PPP2R5E: variants seen among roughly 807,000 people sequenced by gnomAD.
PPP2R5E encodes serine/threonine-protein phosphatase 2A 56 kDa regulatory subunit epsilon isoform.
PPP2R5E carries 4 observed loss-of-function variants against 65.3 expected under a neutral mutation model. That is an observed-to-expected ratio of 0.06 (90% CI 0.03 to 0.14). The LOEUF is 0.14. Among genes scored for constraint, PPP2R5E ranks in the 10% least tolerant of loss-of-function variants. The probability of loss-of-function intolerance (pLI) is 1.00; values close to 1 mark genes in which losing one functional copy is unlikely to be tolerated. For missense variants in PPP2R5E, 274 were observed against 556.1 expected (o/e 0.49, Z 5.10); for synonymous variants, 183 against 187.4 (o/e 0.98, Z 0.19).
intron 2 of PPP2R5E, among the ~76,000 whole-genome samples, chr14:63,508,486 A>G (rs919377722): frequency 1.3e-5 from 2 of 152,214 alleles, no homozygotes; most frequent in Non-Finnish European, 2.9e-5. Flanking sequence ...AGCATCTACA[A>G]TAAGCCTTTT....
rs370959318 is a variant in PPP2R5E at position 63,499,133 on chromosome 14, C to G, written c.157+40396G>C. On this transcript the variant is annotated intron_variant, in intron 2 of 13. Coordinates refer to ENST00000337537, the MANE Select transcript of PPP2R5E (RefSeq NM_006246.5). ...AGGACATACTGGAACACAGAATGTG[C>G]CAGCTTCCATTTCCACCACCAAAGA... is the stretch of plus-strand genomic sequence containing the variant. Among the ~76,000 whole-genome samples the G allele has an allele frequency of 2.0e-5, 3 of 152,232 alleles. No homozygotes were observed. In the East Asian group the frequency reaches 5.8e-4, roughly 29 times the overall value.
chr14:63,533,152 T>C (rs1054064155), intron 2 of PPP2R5E, among the ~76,000 whole-genome samples: 1 of 152,228 alleles, frequency 6.6e-6, no homozygotes, highest in Non-Finnish European at 1.5e-5. Flanking sequence ...TAAGAGACTA[T>C]TCTTATTCTA....
intron 2 of PPP2R5E, among the ~76,000 whole-genome samples, chr14:63,518,926 A>T (rs1248699841): frequency 2.6e-5 from 4 of 152,258 alleles, no homozygotes; most frequent in South Asian, 2.1e-4. Context: ...AAAAATAAAA[A>T]AAATAAAAGA....
intron 3 of PPP2R5E, among the ~76,000 whole-genome samples, chr14:63,427,164 C>T (rs1349767906): frequency 6.6e-6 from 1 of 152,146 alleles, no homozygotes; most frequent in Non-Finnish European, 1.5e-5. Context: ...AACATCACTC[C>T]CCACCATGCA....
Position 63,480,214 on chromosome 14 carries a change from T to C in PPP2R5E, c.158-26329A>G, listed in dbSNP as rs1319288420. On this transcript the variant is annotated intron_variant, in intron 2 of 13. Coordinates refer to ENST00000337537, the MANE Select transcript of PPP2R5E (RefSeq NM_006246.5). The stretch of plus-strand genomic sequence containing the variant: ...GGCTCATGCCTGTAATCCCAGCACT[T>C]TGGGAGGCCAAGGAGGGTAGATCAT... Among the ~76,000 whole-genome samples the C allele has an allele frequency of 3.3e-5, 5 of 152,136 alleles. No individual in the cohort carries two copies. In the East Asian group the frequency reaches 9.7e-4, roughly 29 times the overall value.
At chr14:63,387,637 C>T (rs1016426611) in intron 11 of PPP2R5E, among the ~76,000 whole-genome samples, 1 of 151,922 alleles carries the variant, frequency 6.6e-6, no homozygotes, top group Non-Finnish European at 1.5e-5. Flanking sequence ...CCTTTGTTCT[C>T]AATTTTACTT....
chr14:63,506,663 T>C (rs1220121040), intron 2 of PPP2R5E, among the ~76,000 whole-genome samples: 1 of 152,090 alleles, frequency 6.6e-6, no homozygotes. Context: ...GGCAAAGATG[T>C]AGAGAAATTA....
intron 2 of PPP2R5E, among the ~76,000 whole-genome samples, chr14:63,499,385 T>C (rs1891740771): frequency 6.6e-6 from 1 of 152,076 alleles, no homozygotes; most frequent in South Asian, 2.1e-4. Context: ...AAACACAAAT[T>C]TAGAGATTTC....
chr14:63,391,486 C>G (rs552144106), intron 10 of PPP2R5E, among the ~76,000 whole-genome samples: 9 of 152,168 alleles, frequency 5.9e-5, no homozygotes, highest in Admixed American at 2.6e-4. Context: ...GCAATGGCAC[C>G]ATCTCGGCTC....
chr14:63,386,232 G>A (rs569605676), intron 11 of PPP2R5E, among the ~76,000 whole-genome samples: 3 of 152,264 alleles, frequency 2.0e-5, no homozygotes, highest in East Asian at 1.9e-4. Context: ...CAGACCCTGA[G>A]AGTACAAAGA....
intron 2 of PPP2R5E, among the ~76,000 whole-genome samples, chr14:63,461,246 A>G (rs1889442002): frequency 6.6e-6 from 1 of 152,148 alleles, no homozygotes; most frequent in Admixed American, 6.5e-5. Flanking sequence ...TTGACAGGCT[A>G]TACTAAAAAA....
intron 2 of PPP2R5E, among the ~76,000 whole-genome samples, chr14:63,521,982 C>T (rs1321943334): frequency 2.2e-5 from 3 of 138,592 alleles, no homozygotes; most frequent in Non-Finnish European, 4.6e-5. Flanking sequence ...CACGGTCTCC[C>T]TCTGATACCG....
At chr14:63,416,172 TTAACTGG>T (rs1308423042) in intron 4 of PPP2R5E, among the ~76,000 whole-genome samples, 3 of 152,170 alleles carry the variant, frequency 2.0e-5, no homozygotes, top group African/African-American at 4.8e-5. Flanking sequence ...ACCAGAACCT[TTAACTGG>T]TACAACTGCC....
intron 3 of PPP2R5E, among the ~76,000 whole-genome samples, chr14:63,446,494 T>A (rs760178423): frequency 1.3e-5 from 2 of 152,132 alleles, no homozygotes; most frequent in Non-Finnish European, 2.9e-5. Context: ...AATTACTCCT[T>A]GACCCATGAG....
intron 2 of PPP2R5E, among the ~76,000 whole-genome samples, chr14:63,470,301 G>C (rs555937746): frequency 2.0e-5 from 3 of 151,788 alleles, no homozygotes; most frequent in Non-Finnish European, 4.4e-5. Context: ...TGAACTCCTA[G>C]GCTCAAGGGA....
chr14:63,386,571 G>A (rs1594813698), intron 11 of PPP2R5E, among the ~76,000 whole-genome samples: 1 of 152,150 alleles, frequency 6.6e-6, no homozygotes, highest in South Asian at 2.1e-4. Context: ...GGGAAGGAGG[G>A]GAAAAGAGCA....
At chr14:63,388,776 T>C (rs1472378737) in intron 11 of PPP2R5E, among the ~76,000 whole-genome samples, 2 of 152,164 alleles carry the variant, frequency 1.3e-5, no homozygotes, top group Non-Finnish European at 2.9e-5. Flanking sequence ...AGGGAAAAAG[T>C]CCGCCATCAA....
intron 3 of PPP2R5E, among the ~76,000 whole-genome samples, chr14:63,430,413 A>ACATGCATG (rs1555359712): frequency 3.2e-4 from 46 of 143,560 alleles, no homozygotes; most frequent in African/African-American, 1.2e-3. Context: ...ATACATACAT[A>ACATGCATG]CATACATGCA....
chr14:63,411,736 A>G (rs1886401465), intron 5 of PPP2R5E, among the ~76,000 whole-genome samples: 2 of 150,996 alleles, frequency 1.3e-5, no homozygotes, highest in Admixed American at 6.6e-5. Flanking sequence ...CGTGACACAC[A>G]TGCTCCCCTT....
Sources: allele counts gnomAD v4.1 joint callset (sites outside exome capture counted in the v4.1 genomes callset), GRCh38; gene constraint gnomAD v4.1.1; transcripts MANE v1.5; gene names NCBI Gene and HGNC (gene_info 2026-07-23, HGNC 2026-07-21).